The following FBXO21 variants were observed in gnomAD, a reference collection of about 807,000 sequenced individuals.
The protein encoded by FBXO21 is F-box protein 21.
Under a neutral mutation model 76.6 loss-of-function variants are expected in FBXO21, and 32 were observed. The ratio of observed to expected loss-of-function variants is 0.42; its 90% CI spans 0.32 to 0.56. The LOEUF (loss-of-function observed/expected upper bound fraction) is 0.56, where lower values mean the gene tolerates loss of function less well. FBXO21 is among the 20% of genes least tolerant of loss of function. The pLI, the probability that FBXO21 is intolerant of heterozygous loss-of-function variation, is 0.16. For synonymous variants in FBXO21, 328 were observed against 311.5 expected (o/e 1.05, Z -0.56); for missense variants, 586 against 797.3 (o/e 0.73, Z 3.19).
At chr12:117,170,530 G>T (rs916429522) in intron 7 of FBXO21, among the ~76,000 whole-genome samples, 1 of 152,198 alleles carries the variant, frequency 6.6e-6, no homozygotes, top group Admixed American at 6.5e-5. Context: ...TACAGGGACA[G>T]AGAAAAGTGG....
Position 117,142,034 on chromosome 12 carries a change from TAC to T in FBXO21, c.*4051_*4052del, listed in dbSNP as rs1593050470. 2 of 152,240 alleles carry T rather than the reference TAC, an allele frequency of 1.3e-5. No homozygotes were observed. Among genetic ancestry groups the T allele is most frequent in the East Asian group, 3.9e-4 (2 of 5,194 alleles). The allele number at this position is 152,240 out of a possible 1,614,324, so 9.4% of individuals were successfully genotyped here. A position where few individuals can be genotyped will look rare whatever the true frequency, so the allele number is the denominator to read the frequency against. ...TATTACAGAACTAGCAGAGCCCTAATACAGTCATTGCTACGTGGCCATAATAC... is the reference window on the plus strand; with the variant it reads ...TATTACAGAACTAGCAGAGCCCTAATAGTCATTGCTACGTGGCCATAATAC... On this transcript the variant is annotated 3_prime_UTR_variant, in exon 12 of 12. Coordinates refer to ENST00000622495, the MANE Select transcript of FBXO21 (RefSeq NM_015002.3).
rs564542032 is a variant in FBXO21 at position 117,177,906 on chromosome 12, A to G, written c.471-265T>C. ...AAAAGGAAATGGAAGAGCAGCCTGAAAAAGGAATTGAGCTGGGGGAGGTTC... is the reference window on the plus strand; with the variant it reads ...AAAAGGAAATGGAAGAGCAGCCTGAGAAAGGAATTGAGCTGGGGGAGGTTC... On this transcript the variant is annotated intron_variant, in intron 3 of 11. Transcript: ENST00000622495. 9.2e-5 allele frequency among the ~76,000 whole-genome samples: 14 copies of G among 152,312 alleles called. No homozygotes were observed. In the East Asian group the frequency reaches 2.5e-3, roughly 27 times the overall value.
chr12:117,175,150 T>G (rs1261216162), intron 4 of FBXO21, among the ~76,000 whole-genome samples: 1 of 152,108 alleles, frequency 6.6e-6, no homozygotes, highest in Non-Finnish European at 1.5e-5. Flanking sequence ...TGTTATAGGT[T>G]CCAAATCCAA....
At chr12:117,157,652 G>T (rs553195363) in intron 10 of FBXO21, among the ~76,000 whole-genome samples, 41 of 152,064 alleles carry the variant, frequency 2.7e-4, no homozygotes, top group Admixed American at 7.2e-4. Context: ...AGATCTCTCA[G>T]GAAAGTAAGC....
intron 1 of FBXO21, among the ~76,000 whole-genome samples, chr12:117,189,899 T>A (rs1167167579): frequency 6.6e-6 from 1 of 152,014 alleles, no homozygotes; most frequent in Non-Finnish European, 1.5e-5. Flanking sequence ...CATCACTGGG[T>A]CCATGTAAAC....
At position 117,172,475 on chromosome 12, in the gene FBXO21, C is replaced by T; in HGVS notation, c.1009G>A (p.Glu337Lys). ...TAATGTGTCACGGATGCTCACCCTT[C>T]TGCGCCTTGGCACCACCTTAATAAG... Reference protein sequence around the residue: ...HFLLRWCQGAEGATLDIFDYI... With the variant: ...HFLLRWCQGAKGATLDIFDYI... The change falls in exon 7 of 12, where the codon GAA becomes AAA. Residue 337 changes from glutamate to lysine, a missense_variant. Physicochemically the swap from Glu to Lys is moderately conservative, Grantham distance 56. This residue lies in a region of FBXO21 where 246 missense variants were observed against 356.8 expected (regional missense o/e 0.69). Coordinates refer to ENST00000622495, the MANE Select transcript of FBXO21 (RefSeq NM_015002.3). 2 of 1,613,298 alleles carry T rather than the reference C, an allele frequency of 1.2e-6. No homozygotes were observed. The highest frequency in any genetic ancestry group is 1.7e-6 in the Non-Finnish European group (2 of 1,179,564).
intron 4 of FBXO21, among the ~76,000 whole-genome samples, chr12:117,176,769 A>C (rs1440772989): frequency 6.6e-6 from 1 of 152,156 alleles, no homozygotes; most frequent in Non-Finnish European, 1.5e-5. Flanking sequence ...CGTCTCTAAA[A>C]ATAAATACAT....
At chr12:117,151,451 C>T (rs2221165) in intron 11 of FBXO21, among the ~76,000 whole-genome samples, 27,947 of 152,136 alleles carry the variant, frequency 0.18, 3,221 homozygotes, top group East Asian at 0.43. Context: ...TTCAACTCTC[C>T]GTGCAGAGCT....
chr12:117,186,132 C>T (rs772068513), intron 3 of FBXO21, among the ~76,000 whole-genome samples: 3 of 152,214 alleles, frequency 2.0e-5, no homozygotes, highest in Non-Finnish European at 4.4e-5. Flanking sequence ...CCATCTCGGC[C>T]TCCCAAAGTG....
rs1302672527 is a variant in FBXO21 at position 117,158,019 on chromosome 12, C to A, written c.1371G>T (p.Gln457His). 1.9e-6 allele frequency: 3 copies of A among 1,614,268 alleles called. No homozygotes were observed. The highest frequency in any genetic ancestry group is 2.5e-6 in the Non-Finnish European group (3 of 1,180,046). The change falls in exon 10 of 12, where the codon CAG (glutamine) becomes CAT (histidine). Residue 457 changes from glutamine (Q) to histidine (H), a missense_variant. This residue lies in a region of FBXO21 where 164 missense variants were observed against 236.7 expected (regional missense o/e 0.69). Coordinates refer to ENST00000622495, the MANE Select transcript of FBXO21 (RefSeq NM_015002.3). The part of the protein sequence containing the change: ...LQHIQTLDPG[Q>H]HGAVGYLVQH... Reference sequence around the variant, plus strand: ...GCACCAGGTAGCCCACCGCCCCGTGCTGCCCCGGGTCTAGGGTTTGGATGT... The same window carrying A: ...GCACCAGGTAGCCCACCGCCCCGTGATGCCCCGGGTCTAGGGTTTGGATGT...
intron 4 of FBXO21, 87 bp from the exon 5 acceptor site, chr12:117,174,884 T>C: frequency 5.0e-6 from 7 of 1,406,388 alleles, no homozygotes; most frequent in Non-Finnish European, 6.9e-6. Context: ...TCCTGGGACA[T>C]GGCTCTTTAC....
At chr12:117,183,049 C>T (rs943953210) in intron 3 of FBXO21, among the ~76,000 whole-genome samples, 3 of 152,148 alleles carry the variant, frequency 2.0e-5, no homozygotes, top group African/African-American at 4.8e-5. Context: ...GCTATGATTG[C>T]GTCACAGCAT....
intron 7 of FBXO21, among the ~76,000 whole-genome samples, chr12:117,168,092 T>C (rs1441686936): frequency 6.6e-6 from 1 of 152,242 alleles, no homozygotes; most frequent in African/African-American, 2.4e-5. Flanking sequence ...TGGCTCTGTT[T>C]CAGGGATATT....
Position 117,174,770 on chromosome 12 carries a change from T to C in FBXO21, c.620A>G (p.Asn207Ser), listed in dbSNP as rs1175171747. The change falls in exon 5 of 12, where the codon AAT (asparagine) becomes AGT (serine). Residue 207 changes from asparagine (N) to serine (S), a missense_variant. Physicochemically the swap from Asn to Ser is conservative, Grantham distance 46 (BLOSUM62 1). Around this residue, in one of 6 missense-constraint regions of FBXO21, gnomAD observed 246 missense variants for 356.8 expected, o/e 0.69. Transcript: ENST00000622495. ...TTTGAGGCTGATGTCGGAGAGAGGATTGCAGTACTGGTCAATATATACAGC... is the reference window on the plus strand; with the variant it reads ...TTTGAGGCTGATGTCGGAGAGAGGACTGCAGTACTGGTCAATATATACAGC... ...EGAVYIDQYC[N>S]PLSDISLKDI... is the part of the protein sequence containing the mutation. 5 of 1,614,122 alleles carry C rather than the reference T, an allele frequency of 3.1e-6. No individual in the cohort carries two copies. The highest frequency in any genetic ancestry group is 4.2e-6 in the Non-Finnish European group (5 of 1,180,010).
At chr12:117,160,141 G>A (rs1955961345) in intron 9 of FBXO21, among the ~76,000 whole-genome samples, 1 of 152,188 alleles carries the variant, frequency 6.6e-6, no homozygotes, top group Admixed American at 6.5e-5. Context: ...GGCTAGAGAA[G>A]AGACACTAGG....
intron 3 of FBXO21, among the ~76,000 whole-genome samples, chr12:117,181,952 A>C (rs1322912338): frequency 6.6e-6 from 1 of 152,114 alleles, no homozygotes; most frequent in Non-Finnish European, 1.5e-5. Flanking sequence ...TGCCTGGCCC[A>C]GTGTATGCCC....
intron 7 of FBXO21, among the ~76,000 whole-genome samples, chr12:117,167,663 C>G (rs912457499): frequency 1.3e-5 from 2 of 151,908 alleles, no homozygotes; most frequent in African/African-American, 2.4e-5. Flanking sequence ...ATGGTGTGAA[C>G]CCGGGAGGCG....
At chr12:117,158,160 A>C in intron 9 of FBXO21, 97 bp from the exon 10 acceptor site, 7 of 1,426,114 alleles carry the variant, frequency 4.9e-6, no homozygotes, top group East Asian at 2.3e-5. Flanking sequence ...TAACCTAACA[A>C]AGCAAAGGAC....
At chr12:117,157,746 G>A (rs920144807) in intron 10 of FBXO21, 127 bp downstream of exon 10, 8 of 699,264 alleles carry the variant, frequency 1.1e-5, no homozygotes, top group Admixed American at 6.4e-5. Flanking sequence ...CCCGCGGTGC[G>A]CACTCGGGGG....
Sources: gnomAD v4.1 joint callset for allele counts (sites outside exome capture counted in the v4.1 genomes callset) on GRCh38, gnomAD v4.1.1 for gene constraint, gnomAD v4.1.1 regional missense constraint, MANE v1.5 for transcripts, NCBI Gene and HGNC (gene_info 2026-07-23, HGNC 2026-07-21) for gene names.